Variants in APBB2 observed in about 807,000 individuals in gnomAD.
APBB2 encodes amyloid beta precursor protein binding family B member 2, also known as Fe65-like 1.
A neutral mutation model predicts 82.5 loss-of-function variants in APBB2; 38 were observed. That is an observed-to-expected ratio of 0.46 (90% confidence interval 0.36 to 0.60). The LOEUF (loss-of-function observed/expected upper bound fraction) is 0.60. Ranked by LOEUF, APBB2 falls within the 20% of genes least tolerant of loss-of-function variation. APBB2 has a pLI of 0.00. For synonymous variants in APBB2, 341 were observed against 368.2 expected (o/e 0.93, Z 0.85); for missense variants, 772 against 972.3 (o/e 0.79, Z 2.74).
intron 10 of APBB2, among the ~76,000 whole-genome samples, chr4:40,897,884 G>A (rs754728351): frequency 8.6e-5 from 13 of 152,000 alleles, no homozygotes; most frequent in Non-Finnish European, 1.6e-4. Context: ...TCATCTTGGA[G>A]CATGGGAAGA....
At chr4:41,141,920 T>C (rs35063553) in intron 2 of APBB2, among the ~76,000 whole-genome samples, 1 of 152,154 alleles carries the variant, frequency 6.6e-6, no homozygotes, top group Admixed American at 6.5e-5. Flanking sequence ...TTATGAGAGT[T>C]ACAATTCAAG....
chr4:41,166,029 A>T (rs1390859109), intron 1 of APBB2, among the ~76,000 whole-genome samples: 1 of 151,210 alleles, frequency 6.6e-6, no homozygotes, highest in Non-Finnish European at 1.5e-5. Context: ...GCCCGCCACC[A>T]CGCCCGGCTA....
rs1483521170 is a variant in APBB2 at position 40,825,699 on chromosome 4, C to CG, written c.1816+187dup. The stretch of plus-strand genomic sequence containing the variant: ...TGCTGGGGATGACAGGTCAAAGCAG[C>CG]GGGGCCTGTCCCTCTACTCATCTTT... On this transcript the variant is annotated intron_variant, in intron 15 of 17. Transcript: ENST00000508593. The CG allele has an allele frequency of 8.8e-6, 5 of 571,378 alleles. No homozygotes were observed. The East Asian group carries it at 1.5e-4, about 17-fold the overall frequency. The allele number at this position is 571,378 out of a possible 1,614,324, so 35.4% of individuals were successfully genotyped here.
intron 12 of APBB2, among the ~76,000 whole-genome samples, chr4:40,858,298 T>C (rs1398932551): frequency 6.6e-6 from 1 of 151,738 alleles, no homozygotes; most frequent in Non-Finnish European, 1.5e-5. Context: ...TTTCTAATTG[T>C]TTCTGGGCAA....
In APBB2 at chr4:41,049,085, C is replaced by T. The variant is rs575285826; in HGVS notation, c.-50-15781G>A. The stretch of plus-strand genomic sequence containing the variant: ...ATTGCAGCCTCTGCCCGGCCGCCAC[C>T]CCGTCTGGGAAGTGAGGAGCGTCTC... On this transcript the variant is annotated intron_variant, in intron 4 of 17. Transcript: ENST00000508593. Among the ~76,000 whole-genome samples, 7 of 151,890 alleles carry T rather than the reference C, an allele frequency of 4.6e-5. No individual in the cohort carries two copies. In the South Asian group the frequency reaches 1.5e-3, roughly 32 times the overall value.
At chr4:40,827,469 C>A (rs965425772) in intron 13 of APBB2, among the ~76,000 whole-genome samples, 1 of 152,106 alleles carries the variant, frequency 6.6e-6, no homozygotes. Flanking sequence ...GAATGGACTT[C>A]TTCCATTCAC....
At chr4:41,111,649 T>C (rs1046169575) in intron 2 of APBB2, among the ~76,000 whole-genome samples, 2 of 152,184 alleles carry the variant, frequency 1.3e-5, no homozygotes, top group African/African-American at 4.8e-5. Flanking sequence ...TTAAATGCTC[T>C]CTCTATATAT....
intron 2 of APBB2, among the ~76,000 whole-genome samples, chr4:41,103,984 C>G (rs1246234379): frequency 6.6e-6 from 1 of 152,154 alleles, no homozygotes; most frequent in East Asian, 1.9e-4. Context: ...CAGGCTAATA[C>G]AGTCATGGAT....
In APBB2 at chr4:40,917,078, C is replaced by T. The variant is rs537768440; in HGVS notation, c.1254+17378G>A. Among the ~76,000 whole-genome samples the T allele has an allele frequency of 4.0e-4, 61 of 152,274 alleles. 1 individual carries two copies. Among genetic ancestry groups the T allele is most frequent in the Admixed American group, 8.5e-4 (13 of 15,296 alleles). The stretch of plus-strand genomic sequence containing the variant: ...GGCAACTCCTGTGCTGTGTTGACTG[C>T]GGCTCATTACTGCCACCTGTGGGAC... On this transcript the variant is annotated intron_variant, in intron 10 of 17. Transcript: ENST00000508593.
chr4:40,869,850 A>G (rs1455695533), intron 12 of APBB2, among the ~76,000 whole-genome samples: 2 of 152,060 alleles, frequency 1.3e-5, no homozygotes, highest in African/African-American at 2.4e-5. Flanking sequence ...AATACCTAGT[A>G]TTTAGTAAAT....
Position 41,014,097 on chromosome 4 carries a change from G to A in APBB2, c.321C>T (p.Leu107=). ...GCTGCCCTTGCTCTGCAGCCTTACGGAGCTGGTTCTCCCCATTTTTCACCA... is the reference window on the plus strand; with the variant it reads ...GCTGCCCTTGCTCTGCAGCCTTACGAAGCTGGTTCTCCCCATTTTTCACCA... ...IKLVKNGENQ[L]RKAAEQGQQD... Residue 107 remains leucine, a synonymous_variant, in exon 6 of 18, where the codon CTC becomes CTT. Coordinates refer to ENST00000508593, the MANE Select transcript of APBB2 (RefSeq NM_004307.2). The A allele has an allele frequency of 1.9e-6, 3 of 1,614,200 alleles. No individual in the cohort carries two copies. Among genetic ancestry groups the A allele is most frequent in the Non-Finnish European group, 2.5e-6 (3 of 1,180,040 alleles).
chr4:41,091,296 C>T (rs1335495268), intron 3 of APBB2, among the ~76,000 whole-genome samples: 1 of 152,170 alleles, frequency 6.6e-6, no homozygotes, highest in Non-Finnish European at 1.5e-5. Flanking sequence ...AAATGCAATA[C>T]AGTTTTTGCT....
At chr4:40,955,558 A>G (rs1791386636) in intron 6 of APBB2, among the ~76,000 whole-genome samples, 1 of 152,194 alleles carries the variant, frequency 6.6e-6, no homozygotes, top group Admixed American at 6.5e-5. Context: ...GACTCTTTGG[A>G]GCAATGTTAT....
At chr4:40,869,899 C>G (rs1578100259) in intron 12 of APBB2, among the ~76,000 whole-genome samples, 1 of 151,680 alleles carries the variant, frequency 6.6e-6, no homozygotes, top group Admixed American at 6.6e-5. Context: ...AATATGAGGT[C>G]AAAGCAGGCC....
intron 1 of APBB2, among the ~76,000 whole-genome samples, chr4:41,160,038 A>AGGAAGAAGAAG (rs1764727685): frequency 1.6e-5 from 2 of 123,200 alleles, no homozygotes; most frequent in African/African-American, 6.9e-5. Context: ...AGAAGAAGAA[A>AGGAAGAAGAAG]ACATCACAGG....
chr4:41,104,423 T>G (rs1746460031), intron 2 of APBB2, among the ~76,000 whole-genome samples: 1 of 152,218 alleles, frequency 6.6e-6, no homozygotes, highest in Non-Finnish European at 1.5e-5. Context: ...ACATCTGAGT[T>G]CACTCACCCA....
intron 6 of APBB2, among the ~76,000 whole-genome samples, chr4:40,956,837 TTGTC>T (rs1390985862): frequency 5.3e-5 from 8 of 152,174 alleles, no homozygotes; most frequent in Non-Finnish European, 8.8e-5. Flanking sequence ...ATTACATACT[TTGTC>T]TATTTTTATC....
In APBB2 at chr4:40,940,026, T is replaced by TGC. The variant is rs1340475393; in HGVS notation, c.1044+4837_1044+4838dup. ...GATCAACTAACAGCTTCCTTGGCTA[T>TGC]GCAGCTGATTTATTTTTTCATTCAG... On this transcript the variant is annotated intron_variant, in intron 7 of 17. Coordinates refer to ENST00000508593, the MANE Select transcript of APBB2 (RefSeq NM_004307.2). 3.3e-5 allele frequency among the ~76,000 whole-genome samples: 5 copies of TGC among 152,156 alleles called. No individual in the cohort carries two copies. The East Asian group carries it at 9.6e-4, about 29-fold the overall frequency.
At chr4:40,981,629 T>C (rs1408460139) in intron 6 of APBB2, among the ~76,000 whole-genome samples, 1 of 152,202 alleles carries the variant, frequency 6.6e-6, no homozygotes, top group East Asian at 1.9e-4. Context: ...TTGGGTTGTA[T>C]GCATGGTCTC....
Sources: gnomAD v4.1 joint callset for allele counts (sites outside exome capture counted in the v4.1 genomes callset) on GRCh38, gnomAD v4.1.1 for gene constraint, MANE v1.5 for transcripts, NCBI Gene and HGNC (gene_info 2026-07-23, HGNC 2026-07-21) for gene names.